The following CACNA2D3 variants were observed in gnomAD, a reference collection of about 807,000 sequenced individuals.
CACNA2D3 encodes the protein calcium voltage-gated channel auxiliary subunit alpha2delta 3.
CACNA2D3 carries 60 observed loss-of-function variants against 160.6 expected under a neutral mutation model. The observed-to-expected ratio is 0.37, with a 90% CI of 0.30 to 0.46. CACNA2D3 has a LOEUF of 0.46. CACNA2D3 is among the 20% of genes least tolerant of loss of function. CACNA2D3 has a pLI of 1.00. For missense variants in CACNA2D3, 1,205 were observed against 1,365.0 expected, an observed-to-expected ratio of 0.88 and a Z score of 1.85; for synonymous variants, 558 against 492.9, an observed-to-expected ratio of 1.13 and a Z score of -1.75.
intron 5 of CACNA2D3, among the ~76,000 whole-genome samples, chr3:54,560,404 A>G (rs1478557833): frequency 1.3e-5 from 2 of 152,138 alleles, no homozygotes; most frequent in East Asian, 1.9e-4. Context: ...GTGTCTGTTC[A>G]TTTCCTTTGT....
chr3:55,052,663 T>G (rs1035512621), intron 35 of CACNA2D3, among the ~76,000 whole-genome samples: 1 of 152,162 alleles, frequency 6.6e-6, no homozygotes, highest in Non-Finnish European at 1.5e-5. Flanking sequence ...TATTTGAGGT[T>G]TGGTCATTAG....
intron 17 of CACNA2D3, among the ~76,000 whole-genome samples, chr3:54,848,095 G>C (rs950332386): frequency 2.0e-5 from 3 of 152,158 alleles, no homozygotes; most frequent in Admixed American, 6.5e-5. Context: ...CCACACAGTC[G>C]ACTCACAATG....
chr3:54,834,831 G>T (rs77621675), intron 14 of CACNA2D3, among the ~76,000 whole-genome samples: 4,178 of 152,294 alleles, frequency 0.027, 123 homozygotes, highest in East Asian at 0.097. Flanking sequence ...AGTCTGACAT[G>T]CTGGAAATTG....
chr3:54,481,630 G>A (rs747114012), intron 4 of CACNA2D3, among the ~76,000 whole-genome samples: 8 of 152,286 alleles, frequency 5.3e-5, no homozygotes, highest in East Asian at 1.9e-4. Flanking sequence ...TCTCCAGAGC[G>A]GTTGAAAAGC....
chr3:54,822,783 T>TTTCC (rs1703648973), intron 14 of CACNA2D3, among the ~76,000 whole-genome samples: 1 of 82,448 alleles, frequency 1.2e-5, no homozygotes, highest in Non-Finnish European at 2.4e-5. Flanking sequence ...TCTTTCTTTC[T>TTTCC]TTCTTTCCTT....
chr3:54,492,089 G>T (rs1701119769), intron 4 of CACNA2D3, among the ~76,000 whole-genome samples: 1 of 152,134 alleles, frequency 6.6e-6, no homozygotes. Flanking sequence ...TGGTGATTAG[G>T]CCAGAGCTGC....
chr3:55,011,073 C>T (rs1283450200), intron 34 of CACNA2D3, among the ~76,000 whole-genome samples: 1 of 152,204 alleles, frequency 6.6e-6, no homozygotes, highest in African/African-American at 2.4e-5. Context: ...CTCGTTTTGC[C>T]GGAATCCAGG....
chr3:54,641,818 A>G (rs545723735), intron 10 of CACNA2D3, among the ~76,000 whole-genome samples: 18 of 152,224 alleles, frequency 1.2e-4, no homozygotes, highest in Admixed American at 1.2e-3. Context: ...GGTATGTCTG[A>G]CCCTTCCCCC....
At chr3:54,550,179 TTTA>T (rs1239838508) in intron 5 of CACNA2D3, among the ~76,000 whole-genome samples, 1 of 152,210 alleles carries the variant, frequency 6.6e-6, no homozygotes, top group Non-Finnish European at 1.5e-5. Context: ...TTGGCTTTAC[TTTA>T]TGAGGAGGGC....
At chr3:54,646,983 C>T (rs1699665115) in intron 11 of CACNA2D3, among the ~76,000 whole-genome samples, 1 of 152,182 alleles carries the variant, frequency 6.6e-6, no homozygotes. Context: ...AAACTACAGG[C>T]AGCCTTGAAT....
At chr3:54,501,752 T>C (rs1179601617) in intron 4 of CACNA2D3, among the ~76,000 whole-genome samples, 2 of 152,168 alleles carry the variant, frequency 1.3e-5, no homozygotes, top group Non-Finnish European at 2.9e-5. Flanking sequence ...CAGATGAGAA[T>C]TTCTAAACTA....
At position 54,572,299 on chromosome 3, in the gene CACNA2D3, A is replaced by G. The variant is rs539035954; in HGVS notation, c.888+2195A>G. 7.2e-5 allele frequency among the ~76,000 whole-genome samples: 11 copies of G among 152,338 alleles called. No individual in the cohort carries two copies. The East Asian group carries it at 2.1e-3, about 29-fold the overall frequency. On this transcript the variant is annotated intron_variant, in intron 8 of 37. Coordinates refer to ENST00000474759, the MANE Select transcript of CACNA2D3 (RefSeq NM_018398.3). ...GAGCAGGGGTTAGTCTTGTTCATTC[A>G]TGGATGTATCCCCAGCACCTAGGCA... is the stretch of plus-strand genomic sequence containing the variant.
intron 11 of CACNA2D3, among the ~76,000 whole-genome samples, chr3:54,752,362 T>G (rs1386867868): frequency 1.3e-5 from 2 of 152,182 alleles, no homozygotes; most frequent in African/African-American, 4.8e-5. Flanking sequence ...TCTCTTCTGT[T>G]TTGACTTGCG....
intron 2 of CACNA2D3, among the ~76,000 whole-genome samples, chr3:54,262,940 T>A (rs1052303540): frequency 2.0e-5 from 3 of 152,246 alleles, no homozygotes; most frequent in African/African-American, 7.2e-5. Context: ...TGCTTGCTTA[T>A]AATTAGAACA....
chr3:54,346,756 C>T (rs779497002), intron 3 of CACNA2D3, among the ~76,000 whole-genome samples: 2 of 152,140 alleles, frequency 1.3e-5, no homozygotes, highest in Non-Finnish European at 2.9e-5. Context: ...AGGGTTTTAA[C>T]AAGTGTGTAA....
intron 3 of CACNA2D3, among the ~76,000 whole-genome samples, chr3:54,364,160 CACATTAAT>C (rs1698790480): frequency 1.3e-5 from 2 of 152,178 alleles, no homozygotes; most frequent in South Asian, 4.1e-4. Flanking sequence ...GTGTAGAGGA[CACATTAAT>C]ATTCTCTCCA....
intron 31 of CACNA2D3, among the ~76,000 whole-genome samples, chr3:54,994,877 T>C (rs1702821932): frequency 6.6e-6 from 1 of 152,208 alleles, no homozygotes; most frequent in African/African-American, 2.4e-5. Flanking sequence ...TCTCCATAGT[T>C]GGAGCAGACT....
intron 5 of CACNA2D3, among the ~76,000 whole-genome samples, chr3:54,510,893 G>A (rs982487484): frequency 1.8e-4 from 27 of 152,272 alleles, no homozygotes; most frequent in African/African-American, 4.6e-4. Context: ...ATGGGTTACC[G>A]TCACTGTCCT....
rs10656534 is a variant in CACNA2D3, at chr3:54,598,307, C to CAAAAAAAAA, written c.963+16447_963+16455dup. Among the ~76,000 whole-genome samples the CAAAAAAAAA allele has an allele frequency of 1.3e-3, 64 of 49,662 alleles. 3 individuals are homozygous for CAAAAAAAAA. The highest frequency in any genetic ancestry group is 0.011 in the South Asian group (6 of 544). The allele number at this position is 49,662 out of a possible 152,430, so 32.6% of individuals were successfully genotyped here. On this transcript the variant is annotated intron_variant, in intron 9 of 37. Transcript: ENST00000474759. ...TGGGCAACAGCGAGACTCCGTCTCA[C>CAAAAAAAAA]AAAAAAAAAAAAAAAAAAAAAAAAA...
Sources: allele counts gnomAD v4.1 joint callset (sites outside exome capture counted in the v4.1 genomes callset), GRCh38; gene constraint gnomAD v4.1.1; transcripts MANE v1.5; gene names NCBI Gene and HGNC (gene_info 2026-07-23, HGNC 2026-07-21).